Variants in KCTD16 observed in about 807,000 individuals in gnomAD.
KCTD16 encodes potassium channel tetramerization domain containing 16, also known as BTB/POZ domain-containing protein KCTD16.
Under a neutral mutation model 33.2 loss-of-function variants are expected in KCTD16, and 13 were observed. That is an observed-to-expected ratio of 0.39 (90% confidence interval 0.25 to 0.62). The LOEUF (loss-of-function observed/expected upper bound fraction) is 0.62. Ranked by LOEUF, KCTD16 falls within the 20% of genes least tolerant of loss-of-function variation. KCTD16 has a pLI of 0.50. For synonymous variants in KCTD16, 197 were observed against 195.3 expected, an observed-to-expected ratio of 1.01 and a Z score of -0.07; for missense variants, 441 against 525.1, an observed-to-expected ratio of 0.84 and a Z score of 1.57.
intron 3 of KCTD16, among the ~76,000 whole-genome samples, chr5:144,219,129 G>A (rs1381245496): frequency 6.6e-6 from 1 of 152,302 alleles, no homozygotes; most frequent in Admixed American, 6.5e-5. Flanking sequence ...GCAGCGTTGT[G>A]AGAACTAAGC....
intron 3 of KCTD16, among the ~76,000 whole-genome samples, chr5:144,226,696 C>A (rs1028903888): frequency 1.3e-5 from 2 of 152,038 alleles, no homozygotes; most frequent in Non-Finnish European, 2.9e-5. Context: ...CCTCAGCCAC[C>A]CAAGTAGCTG....
intron 3 of KCTD16, among the ~76,000 whole-genome samples, chr5:144,319,419 T>C (rs1307576142): frequency 6.6e-6 from 1 of 152,222 alleles, no homozygotes; most frequent in Non-Finnish European, 1.5e-5. Context: ...TTTATTTCCA[T>C]TTCCACCTAG....
intron 3 of KCTD16, among the ~76,000 whole-genome samples, chr5:144,393,394 T>C (rs1028116743): frequency 2.6e-5 from 4 of 152,250 alleles, no homozygotes; most frequent in African/African-American, 9.6e-5. Context: ...TTTTTTAAAG[T>C]GGGGGTAAAT....
chr5:144,249,983 C>T (rs1455685698), intron 3 of KCTD16, among the ~76,000 whole-genome samples: 1 of 152,158 alleles, frequency 6.6e-6, no homozygotes, highest in South Asian at 2.1e-4. Context: ...CAAGTCTTTG[C>T]CCACTTTTAG....
At chr5:144,363,328 G>C (rs148095473) in intron 3 of KCTD16, among the ~76,000 whole-genome samples, 7 of 152,042 alleles carry the variant, frequency 4.6e-5, no homozygotes, top group African/African-American at 1.7e-4. Flanking sequence ...GGTGACAGAG[G>C]AGGACTCTGT....
intron 2 of KCTD16, chr5:144,205,479 G>C (rs991173673): frequency 2.5e-6 from 1 of 398,862 alleles, no homozygotes; most frequent in Non-Finnish European, 4.4e-6. Flanking sequence ...TCTCTGCGCT[G>C]CGTTGGCCTC....
chr5:144,342,150 A>G (rs933756023), intron 3 of KCTD16, among the ~76,000 whole-genome samples: 12 of 152,238 alleles, frequency 7.9e-5, no homozygotes, highest in East Asian at 1.9e-4. Context: ...CATTGAATCT[A>G]TAAATTACCT....
At chr5:144,384,966 T>G (rs1309841193) in intron 3 of KCTD16, among the ~76,000 whole-genome samples, 2 of 152,206 alleles carry the variant, frequency 1.3e-5, no homozygotes, top group Non-Finnish European at 2.9e-5. Flanking sequence ...TTTGGATGTT[T>G]AGAAGCTCGT....
intron 3 of KCTD16, among the ~76,000 whole-genome samples, chr5:144,465,207 CTCTCTCTCTT>C (rs1754300275): frequency 7.6e-6 from 1 of 132,048 alleles, no homozygotes; most frequent in Non-Finnish European, 1.6e-5. Context: ...CTCACTCTCT[CTCTCTCTCTT>C]TCTCTCTCTC....
intron 3 of KCTD16, among the ~76,000 whole-genome samples, chr5:144,338,481 C>A (rs1752544338): frequency 6.6e-6 from 1 of 152,074 alleles, no homozygotes; most frequent in South Asian, 2.1e-4. Context: ...GCATATGGAT[C>A]ATAGTAGACA....
At chr5:144,239,244 A>G (rs1205611838) in intron 3 of KCTD16, among the ~76,000 whole-genome samples, 1 of 152,174 alleles carries the variant, frequency 6.6e-6, no homozygotes, top group African/African-American at 2.4e-5. Flanking sequence ...GTGAAGAGAA[A>G]TAATGTGCTC....
chr5:144,343,144 G>A (rs1300580276), intron 3 of KCTD16, among the ~76,000 whole-genome samples: 2 of 152,194 alleles, frequency 1.3e-5, no homozygotes, highest in Non-Finnish European at 2.9e-5. Context: ...AATAGTTTCA[G>A]AAGGAATGAT....
chr5:144,264,166 T>G (rs1755080810), intron 3 of KCTD16, among the ~76,000 whole-genome samples: 1 of 152,356 alleles, frequency 6.6e-6, no homozygotes, highest in African/African-American at 2.4e-5. Context: ...GAAATTAATT[T>G]AAATTAAAAT....
intron 3 of KCTD16, among the ~76,000 whole-genome samples, chr5:144,469,912 T>C (rs962269187): frequency 2.0e-5 from 3 of 151,082 alleles, no homozygotes; most frequent in African/African-American, 7.3e-5. Context: ...TATTAGGCTC[T>C]CTGACCAGCA....
chr5:144,377,459 A>C (rs1034941247), intron 3 of KCTD16, among the ~76,000 whole-genome samples: 1 of 152,208 alleles, frequency 6.6e-6, no homozygotes, highest in African/African-American at 2.4e-5. Context: ...TAGGAACTGC[A>C]TGTGACACTT....
Position 144,269,460 on chromosome 5 carries a change from A to G in KCTD16, c.832+61914A>G, listed in dbSNP as rs866551681. ...TGATATATTCAAAGCATTAAAAGAA[A>G]AAAATCAACAAATAATCCTATATCT... On this transcript the variant is annotated intron_variant, in intron 3 of 3. Coordinates refer to ENST00000512467, the MANE Select transcript of KCTD16 (RefSeq NM_020768.4). Among the ~76,000 whole-genome samples, 39 of 152,256 alleles carry G rather than the reference A, an allele frequency of 2.6e-4. 1 individual carries two copies. The highest frequency in any genetic ancestry group is 6.8e-3 in the Middle Eastern group (2 of 294).
chr5:144,279,313 A>T (rs1029063118), intron 3 of KCTD16, among the ~76,000 whole-genome samples: 6 of 152,316 alleles, frequency 3.9e-5, no homozygotes, highest in African/African-American at 1.4e-4. Context: ...ACCAATCGCA[A>T]TGACCAGGAA....
intron 3 of KCTD16, among the ~76,000 whole-genome samples, chr5:144,430,761 A>G (rs1753440000): frequency 6.6e-6 from 1 of 152,064 alleles, no homozygotes; most frequent in African/African-American, 2.4e-5. Flanking sequence ...TCCCCCTGGG[A>G]AAGAGTGTGA....
At chr5:144,438,602 G>A (rs1753632020) in intron 3 of KCTD16, among the ~76,000 whole-genome samples, 2 of 152,168 alleles carry the variant, frequency 1.3e-5, no homozygotes, top group African/African-American at 4.8e-5. Flanking sequence ...ATCAATCACT[G>A]TGGTTGATGC....
Sources: gnomAD v4.1 joint callset for allele counts (sites outside exome capture counted in the v4.1 genomes callset) on GRCh38, gnomAD v4.1.1 for gene constraint, MANE v1.5 for transcripts, NCBI Gene and HGNC (gene_info 2026-07-23, HGNC 2026-07-21) for gene names.